SLX4IP: variants seen among roughly 807,000 people sequenced by gnomAD.
SLX4IP encodes the protein SLX4 interacting protein.
SLX4IP carries 34 observed loss-of-function variants against 32.9 expected under a neutral mutation model. The observed-to-expected ratio is 1.03, with a 90% CI of 0.79 to 1.38. The LOEUF (loss-of-function observed/expected upper bound fraction) is 1.38, where lower values mean the gene tolerates loss of function less well. Ranked by LOEUF, SLX4IP falls within the 40% of genes most tolerant of loss-of-function variation. SLX4IP has a pLI of 0.00. For missense variants in SLX4IP, 444 were observed against 479.0 expected, an observed-to-expected ratio of 0.93 and a Z score of 0.68; for synonymous variants, 172 against 171.7, an observed-to-expected ratio of 1.00 and a Z score of -0.01.
intron 2 of SLX4IP, among the ~76,000 whole-genome samples, chr20:10,547,718 T>A (rs1415002715): frequency 6.6e-6 from 1 of 152,324 alleles, no homozygotes; most frequent in East Asian, 1.9e-4. Context: ...TTTCCTGCGT[T>A]CAGGGTGCAG....
chr20:10,565,474 G>C (rs544401247), intron 4 of SLX4IP, among the ~76,000 whole-genome samples: 1 of 152,222 alleles, frequency 6.6e-6, no homozygotes, highest in South Asian at 2.1e-4. Context: ...GCCCCACCCT[G>C]CAGAGACTGA....
At chr20:10,519,782 T>C (rs1217153438) in intron 2 of SLX4IP, among the ~76,000 whole-genome samples, 2 of 152,228 alleles carry the variant, frequency 1.3e-5, no homozygotes, top group Admixed American at 6.5e-5. Context: ...GTGTTTAACT[T>C]TTTGGGGAAC....
intron 6 of SLX4IP, among the ~76,000 whole-genome samples, chr20:10,605,902 C>T (rs2066900578): frequency 1.3e-5 from 2 of 152,046 alleles, no homozygotes; most frequent in Admixed American, 6.5e-5. Context: ...TTTTTGAATA[C>T]AAAATTGAAG....
At chr20:10,509,176 G>A (rs1034370176) in intron 2 of SLX4IP, among the ~76,000 whole-genome samples, 1 of 152,184 alleles carries the variant, frequency 6.6e-6, no homozygotes, top group African/African-American at 2.4e-5. Context: ...TGCCATGGTA[G>A]TTGGCATCAG....
Position 10,623,081 on chromosome 20 carries a change from G to C in SLX4IP, c.929G>C (p.Arg310Thr), listed in dbSNP as rs1342955183. The change falls in exon 8 of 8, where the codon AGA (arginine) becomes ACA (threonine). Residue 310 changes from arginine to threonine, a missense_variant. Physicochemically the swap from Arg to Thr is moderately conservative, Grantham distance 71. Coordinates refer to ENST00000334534, the MANE Select transcript of SLX4IP (RefSeq NM_001009608.3). ...SSAEDFDHHG[R>T]VSLGSDRLVP... ...GCGGAAGACTTCGACCACCACGGGAGAGTTTCTCTTGGAAGTGATCGATTA... is the reference window on the plus strand; with the variant it reads ...GCGGAAGACTTCGACCACCACGGGACAGTTTCTCTTGGAAGTGATCGATTA... 2.5e-6 allele frequency: 4 copies of C among 1,614,180 alleles called. No homozygotes were observed. Among genetic ancestry groups the C allele is most frequent in the East Asian group, 4.5e-5 (2 of 44,882 alleles).
chr20:10,472,333 C>G (rs1455723489), intron 2 of SLX4IP, among the ~76,000 whole-genome samples: 1 of 151,898 alleles, frequency 6.6e-6, no homozygotes. Context: ...CAGGTTCACG[C>G]TATTCTCCTG....
chr20:10,625,185 C>T lies in SLX4IP; in HGVS notation c.*1806C>T, dbSNP rs1314705092. The stretch of plus-strand genomic sequence containing the variant: ...GTGCATTTCCATGGCCCACTGTAGG[C>T]GCCTCTCTTAGAGCAAACAGTATTT... On this transcript the variant is annotated 3_prime_UTR_variant, in exon 8 of 8. Coordinates refer to ENST00000334534, the MANE Select transcript of SLX4IP (RefSeq NM_001009608.3). 1.3e-5 allele frequency: 2 copies of T among 152,232 alleles called. No individual in the cohort carries two copies. The highest frequency in any genetic ancestry group is 2.9e-5 in the Non-Finnish European group (2 of 68,074). The allele number at this position is 152,232 out of a possible 1,614,324, so 9.4% of individuals were successfully genotyped here.
intron 2 of SLX4IP, among the ~76,000 whole-genome samples, chr20:10,468,147 G>A (rs2122357810): frequency 6.6e-6 from 1 of 152,256 alleles, no homozygotes; most frequent in South Asian, 2.1e-4. Context: ...CTCTGATGCT[G>A]CCTCCACACA....
intron 2 of SLX4IP, among the ~76,000 whole-genome samples, chr20:10,554,781 C>CT (rs1227506464): frequency 1.3e-5 from 2 of 151,524 alleles, no homozygotes; most frequent in Non-Finnish European, 2.9e-5. Flanking sequence ...TTTTGTTTTG[C>CT]TTTTTTTAAA....
rs188998555 is a variant in SLX4IP at position 10,471,744 on chromosome 20, C to T, written c.27+13513C>T. 2.6e-3 allele frequency among the ~76,000 whole-genome samples: 392 copies of T among 152,276 alleles called. 1 individual carries two copies. The highest frequency in any genetic ancestry group is 6.8e-3 in the Middle Eastern group (2 of 294). ...CAGAAAATCCAGCTGGGCAGTTTTT[C>T]TGCTTTATTTGTCTTTGGCTGGGGT... On this transcript the variant is annotated intron_variant, in intron 2 of 7. Transcript: ENST00000334534.
At chr20:10,533,343 C>T (rs140568957) in intron 2 of SLX4IP, among the ~76,000 whole-genome samples, 1 of 152,204 alleles carries the variant, frequency 6.6e-6, no homozygotes, top group East Asian at 1.9e-4. Context: ...TGCTCTGTCG[C>T]CCAGGCTGCA....
At chr20:10,538,248 T>C (rs963743834) in intron 2 of SLX4IP, among the ~76,000 whole-genome samples, 3 of 151,466 alleles carry the variant, frequency 2.0e-5, no homozygotes, top group Admixed American at 6.6e-5. Context: ...TCCCTACAAA[T>C]TCTCCAGGGC....
chr20:10,554,271 T>C (rs567463395), intron 2 of SLX4IP, among the ~76,000 whole-genome samples: 7 of 152,224 alleles, frequency 4.6e-5, no homozygotes, highest in Non-Finnish European at 1.0e-4. Flanking sequence ...GATGAATACA[T>C]GTTGAGTCTA....
intron 4 of SLX4IP, among the ~76,000 whole-genome samples, chr20:10,591,748 C>T (rs796802062): frequency 1.3e-5 from 2 of 152,264 alleles, no homozygotes; most frequent in African/African-American, 4.8e-5. Flanking sequence ...GTTATCCAAA[C>T]ACAGTTTTCA....
intron 6 of SLX4IP, among the ~76,000 whole-genome samples, chr20:10,605,085 G>T (rs1274888894): frequency 6.6e-6 from 1 of 152,130 alleles, no homozygotes; most frequent in Non-Finnish European, 1.5e-5. Flanking sequence ...TTTCTCAGAT[G>T]TAAAGTCCTG....
At chr20:10,529,525 A>C (rs2065968123) in intron 2 of SLX4IP, among the ~76,000 whole-genome samples, 1 of 125,394 alleles carries the variant, frequency 8.0e-6, no homozygotes, top group Non-Finnish European at 1.6e-5. Flanking sequence ...CAGGAGGTAG[A>C]GGTTGCAGTG....
At chr20:10,437,579 G>T (rs1301176593) in intron 1 of SLX4IP, among the ~76,000 whole-genome samples, 1 of 152,216 alleles carries the variant, frequency 6.6e-6, no homozygotes, top group East Asian at 1.9e-4. Flanking sequence ...CAGCTTCCCA[G>T]TAACTGGTCA....
chr20:10,606,058 A>G (rs927436694), intron 6 of SLX4IP, among the ~76,000 whole-genome samples: 1 of 152,186 alleles, frequency 6.6e-6, no homozygotes, highest in African/African-American at 2.4e-5. Context: ...GAGGGTATCA[A>G]ATTATCTCAA....
intron 4 of SLX4IP, among the ~76,000 whole-genome samples, chr20:10,580,721 T>C (rs640336): frequency 0.19 from 29,570 of 151,894 alleles, 3,524 homozygotes; most frequent in Admixed American, 0.27. Flanking sequence ...GTTCGATTAT[T>C]ACTATTTGAG....
Sources: allele counts gnomAD v4.1 joint callset (sites outside exome capture counted in the v4.1 genomes callset), GRCh38; gene constraint gnomAD v4.1.1; transcripts MANE v1.5; gene names NCBI Gene and HGNC (gene_info 2026-07-23, HGNC 2026-07-21).